COL4A2: variants seen among roughly 807,000 people sequenced by gnomAD.
COL4A2 encodes the protein collagen alpha-2(IV) chain.
In COL4A2, 99 loss-of-function variants were observed where a neutral mutation model predicts 200.2. The ratio of observed to expected loss-of-function variants is 0.49; its 90% CI spans 0.42 to 0.58. COL4A2 has a LOEUF of 0.58. Ranked by LOEUF, COL4A2 falls within the 20% of genes least tolerant of loss-of-function variation. The pLI is 0.00. For synonymous variants in COL4A2, 897 were observed against 900.6 expected, an observed-to-expected ratio of 1.00 and a Z score of 0.07; for missense variants, 1,950 against 2,314.1, an observed-to-expected ratio of 0.84 and a Z score of 3.23.
intron 4 of COL4A2, among the ~76,000 whole-genome samples, chr13:110,406,860 T>A (rs1232661898): frequency 1.3e-5 from 2 of 152,166 alleles, no homozygotes; most frequent in African/African-American, 2.4e-5. Flanking sequence ...TACTAAACAT[T>A]TGAGGACTGG....
intron 3 of COL4A2, among the ~76,000 whole-genome samples, chr13:110,344,629 A>G (rs1470301824): frequency 1.3e-5 from 2 of 152,160 alleles, no homozygotes; most frequent in East Asian, 3.8e-4. Context: ...CTGTCAAGGA[A>G]TGGAACTCTA....
chr13:110,376,724 G>GC (rs1056021084), intron 4 of COL4A2, among the ~76,000 whole-genome samples: 3 of 152,106 alleles, frequency 2.0e-5, no homozygotes, highest in African/African-American at 7.2e-5. Flanking sequence ...GTTGCCTCAA[G>GC]CTCCCCAGTG....
At chr13:110,464,038 G>A (rs1882135735) in intron 24 of COL4A2, among the ~76,000 whole-genome samples, 1 of 152,178 alleles carries the variant, frequency 6.6e-6, no homozygotes, top group Non-Finnish European at 1.5e-5. Context: ...GTCATGTGGG[G>A]TGGGGGTGGT....
At chr13:110,338,436 G>GT (rs1245404919) in intron 3 of COL4A2, among the ~76,000 whole-genome samples, 2 of 40,160 alleles carry the variant, frequency 5.0e-5, no homozygotes, top group Admixed American at 2.6e-4. Context: ...GTTGTGTGTG[G>GT]GGGGGGGTGG....
intron 3 of COL4A2, among the ~76,000 whole-genome samples, chr13:110,321,590 T>A (rs1252295135): frequency 1.3e-5 from 2 of 152,266 alleles, no homozygotes. Flanking sequence ...TTTGTCCTTT[T>A]GTGACTGGCT....
At chr13:110,462,552 T>A in intron 24 of COL4A2, 168 bp downstream of exon 24, 1 of 613,344 alleles carries the variant, frequency 1.6e-6, no homozygotes, top group Non-Finnish European at 2.8e-6. Flanking sequence ...TCAGACTTTT[T>A]AGGAAACGGT....
At position 110,446,882 on chromosome 13, in the gene COL4A2, C is replaced by A; in HGVS notation, c.1078+18C>A. On this transcript the variant is annotated intron_variant, in intron 18 of 47. Transcript: ENST00000360467. The stretch of plus-strand genomic sequence containing the variant: ...AGCAAAAGGTGTGTGAACAATTTCA[C>A]CTGCATAGTTCAGCATCGCATACAC... The A allele has an allele frequency of 1.2e-6, 2 of 1,607,128 alleles. No homozygotes were observed. The highest frequency in any genetic ancestry group is 1.7e-6 in the Non-Finnish European group (2 of 1,174,122).
chr13:110,339,314 T>A (rs1159660665), intron 3 of COL4A2, among the ~76,000 whole-genome samples: 1 of 152,194 alleles, frequency 6.6e-6, no homozygotes, highest in African/African-American at 2.4e-5. Flanking sequence ...AATAGCATCG[T>A]GATGAGATTC....
At position 110,473,106 on chromosome 13, in the gene COL4A2, G is replaced by A; in HGVS notation, c.2381G>A (p.Gly794Glu). 6.4e-7 allele frequency: 1 copy of A among 1,562,742 alleles called. No homozygotes were observed. Among genetic ancestry groups the A allele is most frequent in the Non-Finnish European group, 8.7e-7 (1 of 1,153,962 alleles). Residue 794 changes from glycine (G) to glutamate (E), a missense_variant, in exon 29 of 48, where the codon GGG becomes GAG. Around this residue, in one of 2 missense-constraint regions of COL4A2, gnomAD observed 1,385 missense variants for 1,720.5 expected, o/e 0.80. Coordinates refer to ENST00000360467, the MANE Select transcript of COL4A2 (RefSeq NM_001846.4). ...GATGCTGGTGTGCCTGGACAGCCTGGGCTTAAAGGCCTTCCCGGAGACAGA... is the reference window on the plus strand; with the variant it reads ...GATGCTGGTGTGCCTGGACAGCCTGAGCTTAAAGGCCTTCCCGGAGACAGA... ...RGDAGVPGQP[G>E]LKGLPGDRGP...
chr13:110,315,563 CT>C (rs1350363718), intron 3 of COL4A2, among the ~76,000 whole-genome samples: 4 of 152,242 alleles, frequency 2.6e-5, no homozygotes, highest in Admixed American at 2.6e-4. Flanking sequence ...TCTCAGCTAA[CT>C]TACGTATTTT....
chr13:110,365,017 G>A (rs1342951399), intron 4 of COL4A2, among the ~76,000 whole-genome samples: 4 of 152,172 alleles, frequency 2.6e-5, no homozygotes, highest in Non-Finnish European at 5.9e-5. Flanking sequence ...ACACATGGTG[G>A]ATATATACTA....
rs7334986 is a variant in COL4A2 at position 110,428,262 on chromosome 13, G to A, written c.361-205G>A. ...CCCAGGTGAAGCAGAACTTTGCTTCGAAATCTTTTCCCTGCTTAGAACGAT... is the reference window on the plus strand; with the variant it reads ...CCCAGGTGAAGCAGAACTTTGCTTCAAAATCTTTTCCCTGCTTAGAACGAT... On this transcript the variant is annotated intron_variant, in intron 6 of 47. Coordinates refer to ENST00000360467, the MANE Select transcript of COL4A2 (RefSeq NM_001846.4). 0.29 allele frequency among the ~76,000 whole-genome samples: 43,386 copies of A among 152,080 alleles called. 6,644 individuals are homozygous for A. The highest frequency in any genetic ancestry group is 0.38 in the African/African-American group (15,742 of 41,446).
chr13:110,509,270 T>TATATATATATATATATACACACACAC (rs1435137108), intron 47 of COL4A2, among the ~76,000 whole-genome samples: 1 of 115,578 alleles, frequency 8.7e-6, no homozygotes, highest in Non-Finnish European at 1.7e-5. Context: ...TATATATATA[T>TATATATATATATATATACACACACAC]ACACACACAC....
At chr13:110,448,736 A>T (rs2391827) in intron 18 of COL4A2, among the ~76,000 whole-genome samples, 93,696 of 152,080 alleles carry the variant, frequency 0.62, 28,883 homozygotes, top group South Asian at 0.65. Context: ...GGCTAACAGG[A>T]GTGTAGGTCA....
Position 110,506,425 on chromosome 13 carries a change from C to A in COL4A2, c.4413C>A (p.Gly1471=). The A allele has an allele frequency of 6.2e-7, 1 of 1,610,196 alleles. No individual in the cohort carries two copies. Among genetic ancestry groups the A allele is most frequent in the Non-Finnish European group, 8.5e-7 (1 of 1,178,878 alleles). The change falls in exon 46 of 48, where the codon GGC becomes GGA. Residue 1471 remains glycine (G), a synonymous_variant. Transcript: ENST00000360467. The part of the protein sequence containing the change: ...QGPIGQEGAP[G]RPGSPGLPGM... ...TTTCTCGGGCTGCAGGTGCACCAGG[C>A]CGTCCAGGGAGCCCGGGCCTGCCGG... is the stretch of plus-strand genomic sequence containing the variant.
chr13:110,491,063 C>A (rs571441529), intron 36 of COL4A2, among the ~76,000 whole-genome samples, 170 bp from the exon 37 acceptor site: 16 of 152,186 alleles, frequency 1.1e-4, no homozygotes, highest in Admixed American at 5.9e-4. Context: ...AGTGCAGGCT[C>A]AGAGGGAGGA....
Position 110,508,392 on chromosome 13 carries a change from C to T in COL4A2, c.4881+171C>T, listed in dbSNP as rs1594118356. 1 of 1,059,382 alleles carries T rather than the reference C, an allele frequency of 9.4e-7. No individual in the cohort carries two copies. The highest frequency in any genetic ancestry group is 1.3e-6 in the Non-Finnish European group (1 of 746,146). 65.6% of individuals were successfully genotyped at this position (1,059,382 alleles called of 1,614,324 possible). A position where few individuals can be genotyped will look rare whatever the true frequency, so the allele number is the denominator to read the frequency against. ...TGGAACACAGCTTACACTTGGCTAA[C>T]TGAGCCACATGCTGGGCACAGGGCT... On this transcript the variant is annotated intron_variant, in intron 47 of 47. Transcript: ENST00000360467. This position sits in a 1 kb window ranked among gnomAD's most constrained non-coding sequence, Gnocchi z 6.1.
At chr13:110,347,830 G>A (rs74838134) in intron 3 of COL4A2, among the ~76,000 whole-genome samples, 4,206 of 152,352 alleles carry the variant, frequency 0.028, 196 homozygotes, top group African/African-American at 0.096. Flanking sequence ...CCACTTGGCC[G>A]GTCATTGCTC....
chr13:110,493,062 CGAT>C (rs1883339217), intron 38 of COL4A2, 146 bp from the exon 39 acceptor site: 17 of 865,960 alleles, frequency 2.0e-5, no homozygotes, highest in Non-Finnish European at 5.4e-6. Context: ...GGTGAAATAA[CGAT>C]GAGTGACACC....
Sources: allele counts gnomAD v4.1 joint callset (sites outside exome capture counted in the v4.1 genomes callset), GRCh38; gene constraint gnomAD v4.1.1; regional missense constraint gnomAD v4.1.1; non-coding constraint Gnocchi (gnomAD v3.1); transcripts MANE v1.5; gene names NCBI Gene and HGNC (gene_info 2026-07-23, HGNC 2026-07-21).